DPP10: variants seen among roughly 807,000 people sequenced by gnomAD.
DPP10 encodes inactive dipeptidyl peptidase 10.
Under a neutral mutation model 120.9 loss-of-function variants are expected in DPP10, and 33 were observed. The observed-to-expected ratio is 0.27, with a 90% CI of 0.21 to 0.37. The LOEUF is 0.37. Among genes scored for constraint, DPP10 ranks in the 10% least tolerant of loss-of-function variants. DPP10 has a pLI of 1.00. For synonymous variants in DPP10, 337 were observed against 326.1 expected, an observed-to-expected ratio of 1.03 and a Z score of -0.36; for missense variants, 816 against 942.8, an observed-to-expected ratio of 0.87 and a Z score of 1.76.
intron 1 of DPP10, among the ~76,000 whole-genome samples, chr2:115,089,401 A>C (rs889416762): frequency 1.9e-4 from 29 of 152,136 alleles, no homozygotes; most frequent in African/African-American, 6.5e-4. Context: ...TGTCTCCAAG[A>C]CTAGATGAGC....
At chr2:115,449,017 AT>A (rs2072870779) in intron 3 of DPP10, among the ~76,000 whole-genome samples, 1 of 152,158 alleles carries the variant, frequency 6.6e-6, no homozygotes, top group Non-Finnish European at 1.5e-5. Flanking sequence ...GAATGAATAA[AT>A]GAATAAAAAA....
At chr2:115,619,463 T>C (rs1173224261) in intron 5 of DPP10, among the ~76,000 whole-genome samples, 1 of 152,188 alleles carries the variant, frequency 6.6e-6, no homozygotes, top group Non-Finnish European at 1.5e-5. Flanking sequence ...ATAAAAAGTC[T>C]ACTATCCTTC....
At position 115,589,749 on chromosome 2, in the gene DPP10, A is replaced by G. The variant is rs528307337; in HGVS notation, c.441+63777A>G. Among the ~76,000 whole-genome samples the G allele has an allele frequency of 5.9e-5, 9 of 152,348 alleles. No homozygotes were observed. The South Asian group carries it at 1.9e-3, about 32-fold the overall frequency. ...CCAAAGCTCAGAAACAAAAGTTTAA[A>G]CAAAACTTTAACTTGAGTTGACATT... On this transcript the variant is annotated intron_variant, in intron 5 of 25. Coordinates refer to ENST00000410059, the MANE Select transcript of DPP10 (RefSeq NM_020868.6).
intron 1 of DPP10, among the ~76,000 whole-genome samples, chr2:114,528,081 G>A (rs770906630): frequency 4.6e-5 from 7 of 152,150 alleles, no homozygotes; most frequent in Non-Finnish European, 7.4e-5. Flanking sequence ...ACTTGAAGAC[G>A]GAAAGAGGAG....
chr2:114,953,514 G>A (rs1697952745), intron 1 of DPP10, among the ~76,000 whole-genome samples: 1 of 151,938 alleles, frequency 6.6e-6, no homozygotes, highest in Non-Finnish European at 1.5e-5. Context: ...ACATGAACAT[G>A]TATGTCATGT....
intron 8 of DPP10, 91 bp from the exon 9 acceptor site, chr2:115,739,648 G>A: frequency 6.2e-6 from 8 of 1,298,400 alleles, no homozygotes; most frequent in Non-Finnish European, 8.7e-6. Flanking sequence ...AGAAAATATA[G>A]GTGTACAATG....
chr2:114,670,783 TTACTC>T lies in DPP10; in HGVS notation c.60+227948_60+227952del, dbSNP rs200826275. 3.0e-3 allele frequency among the ~76,000 whole-genome samples: 456 copies of T among 152,296 alleles called. 2 individuals are homozygous for T. The highest frequency in any genetic ancestry group is 9.9e-3 in the African/African-American group (412 of 41,576). ...TTTATATTTCAAGGGAAAATTATGTTTACTCTATTACCTATCATAATAATGCTTGT... is the reference window on the plus strand; with the variant it reads ...TTTATATTTCAAGGGAAAATTATGTTTATTACCTATCATAATAATGCTTGT... On this transcript the variant is annotated intron_variant, in intron 1 of 25. Coordinates refer to ENST00000410059, the MANE Select transcript of DPP10 (RefSeq NM_020868.6).
intron 3 of DPP10, among the ~76,000 whole-genome samples, chr2:115,377,935 A>G (rs1031013891): frequency 2.0e-5 from 3 of 152,110 alleles, no homozygotes; most frequent in African/African-American, 7.2e-5. Context: ...TACCAGTACC[A>G]TGCTGTTTTG....
intron 1 of DPP10, among the ~76,000 whole-genome samples, chr2:114,898,255 A>G (rs142988890): frequency 0.1 from 15,454 of 151,678 alleles, 984 homozygotes; most frequent in Non-Finnish European, 0.15. Flanking sequence ...AGGACAAAAA[A>G]CCAAACACTG....
chr2:115,231,419 C>T (rs2057728840), intron 1 of DPP10, among the ~76,000 whole-genome samples: 1 of 152,072 alleles, frequency 6.6e-6, no homozygotes, highest in African/African-American at 2.4e-5. Flanking sequence ...GAATTTAAAG[C>T]ACATACTTTA....
At chr2:114,697,307 T>C (rs1303260346) in intron 1 of DPP10, among the ~76,000 whole-genome samples, 2 of 152,046 alleles carry the variant, frequency 1.3e-5, no homozygotes, top group African/African-American at 2.4e-5. Flanking sequence ...GCCAATCACA[T>C]TGATGGGAAA....
chr2:115,255,331 C>A (rs1212915927), intron 1 of DPP10, among the ~76,000 whole-genome samples: 2 of 152,136 alleles, frequency 1.3e-5, no homozygotes, highest in African/African-American at 4.8e-5. Flanking sequence ...GCGCCGAGAC[C>A]CTATGCTGCA....
At chr2:114,985,415 T>C (rs1220362440) in intron 1 of DPP10, among the ~76,000 whole-genome samples, 1 of 152,230 alleles carries the variant, frequency 6.6e-6, no homozygotes, top group Non-Finnish European at 1.5e-5. Flanking sequence ...CTAAATTATC[T>C]TGCGTACTTA....
At position 115,753,722 on chromosome 2, in the gene DPP10, A is replaced by G. The variant is rs577418341; in HGVS notation, c.1074+425A>G. 1.3e-3 allele frequency among the ~76,000 whole-genome samples: 197 copies of G among 152,260 alleles called. 1 individual carries two copies. Among genetic ancestry groups the G allele is most frequent in the Non-Finnish European group, 2.3e-3 (154 of 67,998 alleles). On this transcript the variant is annotated intron_variant, in intron 11 of 25. Transcript: ENST00000410059. ...TCTGATAAAATAACAGTGTTTCTGT[A>G]CTGAAATTAAGTAAAACAAGTAAAA...
At chr2:115,327,248 G>C (rs946318421) in intron 2 of DPP10, among the ~76,000 whole-genome samples, 1 of 151,984 alleles carries the variant, frequency 6.6e-6, no homozygotes, top group South Asian at 2.1e-4. Flanking sequence ...TTTAGCATCT[G>C]GGTTTGTGTA....
At chr2:115,170,584 A>G (rs2053243757) in intron 1 of DPP10, among the ~76,000 whole-genome samples, 1 of 152,202 alleles carries the variant, frequency 6.6e-6, no homozygotes, top group African/African-American at 2.4e-5. Flanking sequence ...GGAAAAGACG[A>G]TACGTTTCAC....
chr2:115,502,663 T>G (rs1036314527), intron 4 of DPP10, among the ~76,000 whole-genome samples: 11 of 152,112 alleles, frequency 7.2e-5, no homozygotes, highest in African/African-American at 2.2e-4. Context: ...CCCCATGTGC[T>G]TAAGTATAGT....
chr2:114,933,478 T>A (rs1254994232), intron 1 of DPP10, among the ~76,000 whole-genome samples: 8 of 152,144 alleles, frequency 5.3e-5, no homozygotes, highest in Non-Finnish European at 4.4e-5. Context: ...TAAACTGCAT[T>A]AGAAGCTGAA....
At chr2:114,715,962 G>C (rs746997465) in intron 1 of DPP10, among the ~76,000 whole-genome samples, 2 of 151,652 alleles carry the variant, frequency 1.3e-5, no homozygotes, top group Non-Finnish European at 2.9e-5. Context: ...CAAATAAGTG[G>C]TGTCAATACC....
Sources: gnomAD v4.1 joint callset for allele counts (sites outside exome capture counted in the v4.1 genomes callset) on GRCh38, gnomAD v4.1.1 for gene constraint, MANE v1.5 for transcripts, NCBI Gene and HGNC (gene_info 2026-07-23, HGNC 2026-07-21) for gene names.